The following RNF128 variants were observed in gnomAD, a reference collection of about 807,000 sequenced individuals.
RNF128 encodes the protein ring finger protein 128.
RNF128 carries 13 observed loss-of-function variants against 26.2 expected under a neutral mutation model. The observed-to-expected ratio is 0.50, with a 90% CI of 0.32 to 0.79. The LOEUF is 0.79. Ranked by LOEUF, RNF128 falls within the 30% of genes least tolerant of loss-of-function variation. RNF128 has a pLI of 0.03. For missense variants in RNF128, 315 were observed against 349.7 expected (o/e 0.90, Z 0.79); for synonymous variants, 149 against 142.5 (o/e 1.05, Z -0.32).
At chrX:106,735,648 A>G (rs1417340690) in intron 1 of RNF128, among the ~76,000 whole-genome samples, 1 of 112,002 alleles carries the variant, frequency 8.9e-6, no homozygotes, top group African/African-American at 3.2e-5. Context: ...TACTAATGTG[A>G]CTATAGTGAC....
At chrX:106,782,762 T>G (rs981374748) in intron 2 of RNF128, among the ~76,000 whole-genome samples, 6 of 111,707 alleles carry the variant, frequency 5.4e-5, no homozygotes, top group Non-Finnish European at 1.1e-4. Context: ...TACTCCATGC[T>G]ACAGTCAAAA....
At chrX:106,782,144 C>A (rs1215464543) in intron 2 of RNF128, among the ~76,000 whole-genome samples, 1 of 112,296 alleles carries the variant, frequency 8.9e-6, no homozygotes, top group East Asian at 2.8e-4. Flanking sequence ...CAAGTAAATA[C>A]CCTAGAGAGG....
At chrX:106,764,550 C>A (rs953851295) in intron 1 of RNF128, among the ~76,000 whole-genome samples, 2 of 109,490 alleles carry the variant, frequency 1.8e-5, no homozygotes, top group African/African-American at 6.7e-5. Context: ...ACCTGTAATG[C>A]CAGCTACTCG....
chrX:106,790,098 A>G, intron 4 of RNF128, 88 bp from the exon 5 acceptor site: 1 of 528,621 alleles, frequency 1.9e-6, no homozygotes, highest in Non-Finnish European at 3.1e-6. Context: ...CAAAGACTAA[A>G]TAAAGTTACA....
chrX:106,729,874 G>A (rs1929473045), intron 1 of RNF128, among the ~76,000 whole-genome samples: 2 of 112,292 alleles, frequency 1.8e-5, no homozygotes, highest in South Asian at 7.3e-4. Context: ...TAAGCCTAGG[G>A]TTTCCTTTTA....
At chrX:106,792,293 G>A (rs1206302249) in intron 6 of RNF128, among the ~76,000 whole-genome samples, 3 of 104,664 alleles carry the variant, frequency 2.9e-5, no homozygotes, top group African/African-American at 1.0e-4. Flanking sequence ...GAGAGTGTAC[G>A]AGATAATTTA....
intron 1 of RNF128, among the ~76,000 whole-genome samples, chrX:106,704,965 A>C (rs1929022196): frequency 8.9e-6 from 1 of 112,039 alleles, no homozygotes; most frequent in Non-Finnish European, 1.9e-5. Flanking sequence ...GCCACTCTTG[A>C]AGGAGCTGGC....
At chrX:106,785,881 G>A (rs1253643100) in intron 3 of RNF128, among the ~76,000 whole-genome samples, 1 of 111,565 alleles carries the variant, frequency 9.0e-6, no homozygotes, top group Non-Finnish European at 1.9e-5. Flanking sequence ...TCTTACCAAA[G>A]TCATGAAACT....
chrX:106,764,866 C>CT (rs1702327438), intron 1 of RNF128, among the ~76,000 whole-genome samples: 1 of 111,763 alleles, frequency 8.9e-6, no homozygotes, highest in South Asian at 3.7e-4. Context: ...TATACATTTT[C>CT]CTGAGAGATG....
chrX:106,728,100 C>G (rs1929438476), intron 1 of RNF128, among the ~76,000 whole-genome samples: 1 of 111,662 alleles, frequency 9.0e-6, no homozygotes, highest in Non-Finnish European at 1.9e-5. Context: ...AAAAAATAGT[C>G]CAGGTAGTTC....
chrX:106,694,533 C>G, intron 1 of RNF128: 1 of 397,436 alleles, frequency 2.5e-6, no homozygotes, highest in Non-Finnish European at 4.1e-6. Context: ...ATTTTCTTGC[C>G]TGGCACAACT....
At chrX:106,730,920 T>C (rs868106040) in intron 1 of RNF128, among the ~76,000 whole-genome samples, 1 of 111,629 alleles carries the variant, frequency 9.0e-6, no homozygotes, top group African/African-American at 3.3e-5. Flanking sequence ...TGTTGAAAGA[T>C]AGTGGAACAG....
chrX:106,744,999 A>G (rs759455301), intron 1 of RNF128, among the ~76,000 whole-genome samples: 1 of 111,431 alleles, frequency 9.0e-6, no homozygotes, highest in East Asian at 2.8e-4. Flanking sequence ...GGTGTTTTAT[A>G]TAATATTTCT....
intron 1 of RNF128, among the ~76,000 whole-genome samples, chrX:106,754,749 A>G (rs999009533): frequency 3.6e-5 from 4 of 110,911 alleles, no homozygotes; most frequent in Non-Finnish European, 5.7e-5. Flanking sequence ...AGTGGAAATG[A>G]AAACAAAATG....
chrX:106,756,101 G>A (rs1430018048), intron 1 of RNF128, among the ~76,000 whole-genome samples: 16 of 111,079 alleles, frequency 1.4e-4, no homozygotes, highest in African/African-American at 5.3e-4. Context: ...ACAAACAAAT[G>A]GAAGAACATT....
intron 1 of RNF128, among the ~76,000 whole-genome samples, chrX:106,764,263 C>A (rs1930176096): frequency 9.0e-6 from 1 of 111,029 alleles, no homozygotes; most frequent in African/African-American, 3.3e-5. Context: ...CCACGCCCGG[C>A]CTTGTTTTGT....
At chrX:106,780,610 A>C (rs1187022971) in intron 2 of RNF128, among the ~76,000 whole-genome samples, 7 of 112,266 alleles carry the variant, frequency 6.2e-5, no homozygotes, top group African/African-American at 9.7e-5. Context: ...TCCCCAAATC[A>C]CAGTAAATAG....
chrX:106,772,404 G>T (rs780061306), intron 1 of RNF128, among the ~76,000 whole-genome samples: 2 of 111,420 alleles, frequency 1.8e-5, no homozygotes, highest in African/African-American at 6.5e-5. Flanking sequence ...TGTACATTTG[G>T]GTTTGTAAAC....
Position 106,791,165 on chromosome X carries a change from G to C in RNF128, c.1084G>C (p.Ala362Pro). ...SHEEDNRSET[A>P]SSGYASVQGT... ...TGAAGAGGATAATCGCAGCGAGACC[G>C]CATCATCTGGATATGCTTCAGTACA... Residue 362 changes from alanine (A) to proline (P), a missense_variant, in exon 6 of 7, where the codon GCA becomes CCA. Coordinates refer to ENST00000255499, the MANE Select transcript of RNF128 (RefSeq NM_194463.2). 1 of 1,209,015 alleles carries C rather than the reference G, an allele frequency of 8.3e-7. No individual in the cohort carries two copies.
Sources: allele counts gnomAD v4.1 joint callset (sites outside exome capture counted in the v4.1 genomes callset), GRCh38; gene constraint gnomAD v4.1.1; transcripts MANE v1.5; gene names NCBI Gene and HGNC (gene_info 2026-07-23, HGNC 2026-07-21).